Variants in CADM1 observed in about 807,000 individuals in gnomAD.
The protein encoded by CADM1 is TSLC-1.
CADM1 carries 15 observed loss-of-function variants against 53.1 expected under a neutral mutation model. The observed-to-expected ratio is 0.28, with a 90% CI of 0.19 to 0.44. The LOEUF (loss-of-function observed/expected upper bound fraction) is 0.44, where lower values mean the gene tolerates loss of function less well. Among genes scored for constraint, CADM1 ranks in the 20% least tolerant of loss-of-function variants. The probability of loss-of-function intolerance (pLI) is 1.00; values close to 1 mark genes in which losing one functional copy is unlikely to be tolerated. For missense variants in CADM1, 434 were observed against 611.3 expected (o/e 0.71, Z 3.06); for synonymous variants, 281 against 243.0 (o/e 1.16, Z -1.45).
At chr11:115,447,066 C>T (rs1948467655) in intron 1 of CADM1, among the ~76,000 whole-genome samples, 1 of 152,154 alleles carries the variant, frequency 6.6e-6, no homozygotes, top group African/African-American at 2.4e-5. Context: ...ATGGTACAAA[C>T]ATAACAGGTA....
intron 8 of CADM1, among the ~76,000 whole-genome samples, chr11:115,206,356 G>T (rs938822128): frequency 1.3e-5 from 2 of 152,174 alleles, no homozygotes; most frequent in African/African-American, 4.8e-5. Context: ...GACCTGCTCC[G>T]TGTAGGGTAA....
chr11:115,276,270 T>C (rs1366024218), intron 1 of CADM1, among the ~76,000 whole-genome samples: 1 of 152,240 alleles, frequency 6.6e-6, no homozygotes, highest in Non-Finnish European at 1.5e-5. Context: ...CATTTGTATT[T>C]GTGCTTAAAA....
At chr11:115,422,338 G>A (rs1378918630) in intron 1 of CADM1, among the ~76,000 whole-genome samples, 1 of 152,086 alleles carries the variant, frequency 6.6e-6, no homozygotes, top group Non-Finnish European at 1.5e-5. Context: ...GAATATGTTC[G>A]TTTGACCCGA....
chr11:115,243,811 C>A (rs1942321735), intron 1 of CADM1, among the ~76,000 whole-genome samples: 1 of 152,106 alleles, frequency 6.6e-6, no homozygotes, highest in South Asian at 2.1e-4. Flanking sequence ...TTTTTAAAAC[C>A]TTTCTGATTT....
chr11:115,241,638 T>G (rs1352132317), intron 1 of CADM1, among the ~76,000 whole-genome samples: 2 of 152,186 alleles, frequency 1.3e-5, no homozygotes, highest in Non-Finnish European at 2.9e-5. Context: ...TGTGTCTAGT[T>G]TCTCATAAAA....
intron 1 of CADM1, among the ~76,000 whole-genome samples, chr11:115,329,476 G>A (rs748694653): frequency 2.6e-5 from 4 of 152,060 alleles, no homozygotes; most frequent in Non-Finnish European, 4.4e-5. Flanking sequence ...GGTGTGGCTC[G>A]TCTGTTGGGC....
chr11:115,183,752 G>A (rs1010621185), intron 10 of CADM1, among the ~76,000 whole-genome samples: 2 of 152,170 alleles, frequency 1.3e-5, no homozygotes, highest in Admixed American at 1.3e-4. Flanking sequence ...GCAACATGGC[G>A]CTTAAACGCA....
At chr11:115,456,359 C>G (rs1314940734) in intron 1 of CADM1, among the ~76,000 whole-genome samples, 2 of 151,538 alleles carry the variant, frequency 1.3e-5, no homozygotes, top group African/African-American at 4.8e-5. Flanking sequence ...CATTTAGATT[C>G]TACATACTTG....
intron 6 of CADM1, among the ~76,000 whole-genome samples, chr11:115,215,791 G>T (rs895524720): frequency 6.6e-6 from 1 of 152,146 alleles, no homozygotes; most frequent in African/African-American, 2.4e-5. Context: ...CTTTCATTTT[G>T]AAGGAAGGAC....
At chr11:115,290,295 T>C (rs1943853937) in intron 1 of CADM1, among the ~76,000 whole-genome samples, 1 of 152,098 alleles carries the variant, frequency 6.6e-6, no homozygotes, top group Non-Finnish European at 1.5e-5. Context: ...ACTGGGTTAG[T>C]TTTTTTTAAA....
chr11:115,360,338 C>A (rs187852982), intron 1 of CADM1, among the ~76,000 whole-genome samples: 107 of 152,228 alleles, frequency 7.0e-4, no homozygotes, highest in African/African-American at 2.4e-3. Flanking sequence ...GTTTTATGTT[C>A]CTCGGCATAG....
At chr11:115,392,148 T>C (rs1249578233) in intron 1 of CADM1, among the ~76,000 whole-genome samples, 1 of 152,168 alleles carries the variant, frequency 6.6e-6, no homozygotes, top group African/African-American at 2.4e-5. Flanking sequence ...TTGCTTATTT[T>C]TTTCCATAGT....
intron 1 of CADM1, among the ~76,000 whole-genome samples, chr11:115,447,720 T>C (rs1422560785): frequency 6.6e-6 from 1 of 152,140 alleles, no homozygotes; most frequent in Non-Finnish European, 1.5e-5. Flanking sequence ...GCTGGCACCC[T>C]CCTCAGACAA....
chr11:115,337,955 G>T (rs1474403303), intron 1 of CADM1, among the ~76,000 whole-genome samples: 1 of 152,138 alleles, frequency 6.6e-6, no homozygotes, highest in Non-Finnish European at 1.5e-5. Context: ...AGATTGGTTG[G>T]AAATAACCTA....
Position 115,417,299 on chromosome 11 carries a change from G to A in CADM1, c.124+86972C>T, listed in dbSNP as rs531503517. Among the ~76,000 whole-genome samples the A allele has an allele frequency of 2.2e-3, 342 of 152,252 alleles. 3 individuals carry two copies. In the Middle Eastern group the frequency reaches 0.024, roughly 11 times the overall value. ...ATGACTAAGGGAGCTCACCGTTTAC[G>A]GGAAACTTGTGGTGAATCTTTACAA... is the stretch of plus-strand genomic sequence containing the variant. On this transcript the variant is annotated intron_variant, in intron 1 of 11. Transcript: ENST00000331581.
intron 1 of CADM1, among the ~76,000 whole-genome samples, chr11:115,291,251 C>T (rs1252305149): frequency 1.3e-5 from 2 of 152,132 alleles, no homozygotes; most frequent in African/African-American, 4.8e-5. Context: ...ATTGAACATA[C>T]AGTAATTCTG....
chr11:115,430,592 G>A (rs1187930793), intron 1 of CADM1, among the ~76,000 whole-genome samples: 2 of 152,190 alleles, frequency 1.3e-5, no homozygotes, highest in East Asian at 1.9e-4. Context: ...TCAAATTTCA[G>A]TAATTAATAT....
intron 1 of CADM1, among the ~76,000 whole-genome samples, chr11:115,367,698 A>G (rs186814180): frequency 3.2e-4 from 48 of 152,194 alleles, no homozygotes; most frequent in Non-Finnish European, 7.4e-5. Flanking sequence ...ATTATTCAGT[A>G]GTCTTCTGAT....
intron 10 of CADM1, among the ~76,000 whole-genome samples, chr11:115,180,607 A>T (rs1416386178): frequency 1.3e-5 from 2 of 152,138 alleles, no homozygotes; most frequent in African/African-American, 4.8e-5. Context: ...CATTTCAACA[A>T]GGCAGAACTC....
Sources: gnomAD v4.1 joint callset for allele counts (sites outside exome capture counted in the v4.1 genomes callset) on GRCh38, gnomAD v4.1.1 for gene constraint, MANE v1.5 for transcripts, NCBI Gene and HGNC (gene_info 2026-07-23, HGNC 2026-07-21) for gene names.